The following PCDHA4 variants were observed in gnomAD, a reference collection of about 807,000 sequenced individuals.
PCDHA4 encodes the protein protocadherin alpha 4.
A neutral mutation model predicts 61.4 loss-of-function variants in PCDHA4; 49 were observed. The observed-to-expected ratio is 0.80, with a 90% CI of 0.63 to 1.01. PCDHA4 has a LOEUF of 1.01. Ranked by LOEUF, PCDHA4 falls within the 50% of genes least tolerant of loss-of-function variation. The probability of loss-of-function intolerance (pLI) is 0.00; values close to 1 mark genes in which losing one functional copy is unlikely to be tolerated. For synonymous variants in PCDHA4, 590 were observed against 550.3 expected (o/e 1.07, Z -1.01); for missense variants, 1,254 against 1,235.8 (o/e 1.01, Z -0.22).
At chr5:140,960,629 A>C (rs1370416431) in intron 1 of PCDHA4, among the ~76,000 whole-genome samples, 1 of 152,192 alleles carries the variant, frequency 6.6e-6, no homozygotes, top group Admixed American at 6.5e-5. Flanking sequence ...TTTGAAATAT[A>C]TTTTTAAAAC....
intron 3 of PCDHA4, among the ~76,000 whole-genome samples, chr5:140,987,258 G>A (rs1292743876): frequency 6.6e-6 from 1 of 151,918 alleles, no homozygotes; most frequent in Non-Finnish European, 1.5e-5. Context: ...ACATTCTCAG[G>A]AATGGGACCC....
rs2150477113 is a variant in PCDHA4, at chr5:140,850,276, T to G, written c.2385+40704T>G. 19 of 1,594,568 alleles carry G rather than the reference T, an allele frequency of 1.2e-5. 1 individual carries two copies. The highest frequency in any genetic ancestry group is 1.5e-5 in the Non-Finnish European group (18 of 1,167,356). ...GGCGCCGGCGTAGTGGTGGGGAAGG[T>G]GCGCGCAGTGGACGCCGACTCGGGC... is the stretch of plus-strand genomic sequence containing the variant. On this transcript the variant is annotated intron_variant, in intron 1 of 3. Coordinates refer to ENST00000530339, the MANE Select transcript of PCDHA4 (RefSeq NM_018907.4).
At chr5:140,819,752 C>T (rs1766615779) in intron 1 of PCDHA4, among the ~76,000 whole-genome samples, 1 of 151,974 alleles carries the variant, frequency 6.6e-6, no homozygotes, top group Admixed American at 6.5e-5. Context: ...AGTCAAGAGT[C>T]TTGTTTCCTC....
chr5:140,884,811 T>C (rs782097563), intron 1 of PCDHA4: 155 of 1,119,034 alleles, frequency 1.4e-4, no homozygotes, highest in Non-Finnish European at 1.9e-4. Context: ...AACTCTGCTG[T>C]GGACATTATG....
intron 1 of PCDHA4, among the ~76,000 whole-genome samples, chr5:140,937,708 C>G (rs535447052): frequency 6.6e-6 from 1 of 151,944 alleles, no homozygotes; most frequent in South Asian, 2.1e-4. Flanking sequence ...GTCAGGAGAT[C>G]AAGACCATCC....
At position 140,938,754 on chromosome 5, in the gene PCDHA4, A is replaced by G. The variant is rs79400957; in HGVS notation, c.2386-40195A>G. Among the ~76,000 whole-genome samples the G allele has an allele frequency of 2.9e-3, 442 of 152,274 alleles. 1 individual carries two copies. Among genetic ancestry groups the G allele is most frequent in the African/African-American group, 0.01 (423 of 41,554 alleles). The stretch of plus-strand genomic sequence containing the variant: ...AAAAAATAATTATTTTTAAAGGCAT[A>G]GTTATTGGGTACTAGACTTAGTACC... On this transcript the variant is annotated intron_variant, in intron 1 of 3. Transcript: ENST00000530339.
chr5:140,910,944 C>A (rs1177154353), intron 1 of PCDHA4, among the ~76,000 whole-genome samples: 1 of 152,146 alleles, frequency 6.6e-6, no homozygotes, highest in Non-Finnish European at 1.5e-5. Flanking sequence ...TCAAGCAGTT[C>A]TTTTCGAGTG....
At chr5:140,941,248 T>TTTCTTTCG (rs1563187616) in intron 1 of PCDHA4, among the ~76,000 whole-genome samples, 2 of 141,492 alleles carry the variant, frequency 1.4e-5, no homozygotes, top group Non-Finnish European at 3.1e-5. Context: ...TCTTTCTTTC[T>TTTCTTTCG]TTCTTTCTCT....
intron 1 of PCDHA4, among the ~76,000 whole-genome samples, chr5:140,890,509 A>G (rs1448258191): frequency 6.6e-6 from 1 of 151,802 alleles, no homozygotes; most frequent in African/African-American, 2.4e-5. Flanking sequence ...TTATGTCTCT[A>G]TTTCCTTCCT....
intron 1 of PCDHA4, chr5:140,966,634 G>A: frequency 9.8e-7 from 1 of 1,022,982 alleles, no homozygotes; most frequent in Non-Finnish European, 1.3e-6. Flanking sequence ...GGCCCCAGGC[G>A]CTTTCTAGAG....
At chr5:140,862,122 G>A (rs2047215545) in intron 1 of PCDHA4, 2 of 161,786 alleles carry the variant, frequency 1.2e-5, no homozygotes, top group Admixed American at 5.7e-5. Flanking sequence ...ATAAATAAAT[G>A]TAAAGATAGG....
At chr5:140,840,408 T>G (rs1310565539) in intron 1 of PCDHA4, among the ~76,000 whole-genome samples, 6 of 151,960 alleles carry the variant, frequency 3.9e-5, no homozygotes, top group Admixed American at 2.0e-4. Context: ...TTAAGAATAC[T>G]TCAAATAATA....
At chr5:140,967,519 C>T (rs147791062) in intron 1 of PCDHA4, 1 of 1,612,804 alleles carries the variant, frequency 6.2e-7, no homozygotes, top group Non-Finnish European at 8.5e-7. Flanking sequence ...TGGACACTAA[C>T]GACAACTCTC....
Position 141,009,840 on chromosome 5 carries a change from A to T in PCDHA4, c.2747A>T (p.Lys916Met), listed in dbSNP as rs782270689. 1 of 1,614,186 alleles carries T rather than the reference A, an allele frequency of 6.2e-7. No individual in the cohort carries two copies. The highest frequency in any genetic ancestry group is 1.7e-5 in the Admixed American group (1 of 60,024). The change falls in exon 4 of 4, where the codon AAG (lysine) becomes ATG (methionine). Residue 916 changes from lysine (K) to methionine (M), a missense_variant. Lys to Met is a moderately conservative substitution (Grantham distance 95). Coordinates refer to ENST00000530339, the MANE Select transcript of PCDHA4 (RefSeq NM_018907.4). ...AGTGACTTCATAACCTTCGGCAAAA[A>T]GGAGGAGACCAAGAAAAAGAAGAAA... Reference protein sequence around the residue: ...DKSDFITFGKKEETKKKKKKK... With the variant: ...DKSDFITFGKMEETKKKKKKK...
chr5:140,876,411 T>C (rs782457800), intron 1 of PCDHA4: 1 of 1,613,974 alleles, frequency 6.2e-7, no homozygotes, highest in South Asian at 1.1e-5. Flanking sequence ...TTGAAGAGAA[T>C]AATGCCTATG....
intron 1 of PCDHA4, among the ~76,000 whole-genome samples, chr5:140,904,628 A>G (rs2071277621): frequency 6.6e-6 from 1 of 152,002 alleles, no homozygotes; most frequent in African/African-American, 2.4e-5. Context: ...TTAGTTCTTT[A>G]AGGAATCTCC....
At chr5:140,923,584 T>C (rs2081432624) in intron 1 of PCDHA4, among the ~76,000 whole-genome samples, 1 of 152,172 alleles carries the variant, frequency 6.6e-6, no homozygotes, top group South Asian at 2.1e-4. Context: ...AGAGAAGGTT[T>C]GTTAATTCAT....
chr5:140,866,263 T>G (rs1051175533), intron 1 of PCDHA4: 1 of 152,174 alleles, frequency 6.6e-6, no homozygotes, highest in Non-Finnish European at 1.5e-5. Context: ...CTTTCTTTAC[T>G]GTGAATAAAG....
At chr5:140,870,181 G>C in intron 1 of PCDHA4, 1 of 1,614,160 alleles carries the variant, frequency 6.2e-7, no homozygotes, top group Non-Finnish European at 8.5e-7. Context: ...CCCAGTACGA[G>C]AGGACGCTCA....
Sources: gnomAD v4.1 joint callset for allele counts (sites outside exome capture counted in the v4.1 genomes callset) on GRCh38, gnomAD v4.1.1 for gene constraint, MANE v1.5 for transcripts, NCBI Gene and HGNC (gene_info 2026-07-23, HGNC 2026-07-21) for gene names.